MAX: variants seen among roughly 807,000 people sequenced by gnomAD.
MAX encodes protein max.
In MAX, 3 loss-of-function variants were observed where a neutral mutation model predicts 22.3. That is an observed-to-expected ratio of 0.13 (90% CI 0.06 to 0.35). MAX has a LOEUF of 0.35. MAX is among the 10% of genes least tolerant of loss of function. The pLI is 1.00. For synonymous variants in MAX, 72 were observed against 77.7 expected, an observed-to-expected ratio of 0.93 and a Z score of 0.39; for missense variants, 119 against 209.4, an observed-to-expected ratio of 0.57 and a Z score of 2.66.
chr14:65,099,199 T>C (rs2063756438), intron 2 of MAX, among the ~76,000 whole-genome samples: 1 of 152,170 alleles, frequency 6.6e-6, no homozygotes, highest in Non-Finnish European at 1.5e-5. Context: ...TTGTTTGATA[T>C]ACTATAAAAT....
intron 3 of MAX, among the ~76,000 whole-genome samples, chr14:65,086,061 A>C (rs2063328474): frequency 6.6e-6 from 1 of 152,194 alleles, no homozygotes; most frequent in Non-Finnish European, 1.5e-5. Flanking sequence ...TGATGGTTTT[A>C]AAAACAGCAG....
chr14:65,009,893 G>A lies in MAX; in HGVS notation c.172-3609C>T, dbSNP rs73268765. On this transcript the variant is annotated intron_variant, in intron 3 of 3. Transcript: ENST00000341653. The surrounding 1 kb of genome is among the most constrained non-coding windows in gnomAD (Gnocchi z 4.2). ...AGGGCTCTGCTTGTCATTTTCACAT[G>A]TGTGTCCACCTCTGGACTGTCGCTC... 0.01 allele frequency among the ~76,000 whole-genome samples: 1,592 copies of A among 152,170 alleles called. 25 individuals are homozygous for A. Among genetic ancestry groups the A allele is most frequent in the East Asian group, 0.08 (411 of 5,162 alleles).
intron 3 of MAX, among the ~76,000 whole-genome samples, chr14:65,049,786 T>A (rs893859949): frequency 1.3e-5 from 2 of 152,162 alleles, no homozygotes; most frequent in Admixed American, 6.5e-5. Context: ...TATGCTTTTT[T>A]AAATAATAGC....
chr14:65,099,031 C>T (rs766109087), intron 2 of MAX, among the ~76,000 whole-genome samples: 12 of 152,114 alleles, frequency 7.9e-5, no homozygotes, highest in Non-Finnish European at 1.8e-4. Context: ...CAGTCCACAT[C>T]TTTTTTTAAA....
chr14:65,035,534 CTCTT>C (rs754448882), intron 3 of MAX, among the ~76,000 whole-genome samples: 4 of 149,962 alleles, frequency 2.7e-5, no homozygotes, highest in Non-Finnish European at 4.4e-5. Context: ...TTTCAATTCT[CTCTT>C]TCTTTTTTTG....
At position 65,032,447 on chromosome 14, in the gene MAX, C is replaced by A; in HGVS notation, c.172-26163G>T. On this transcript the variant is annotated intron_variant, in intron 3 of 3. Transcript: ENST00000341653. This position sits in a 1 kb window ranked among gnomAD's most constrained non-coding sequence, Gnocchi z 5.0. The stretch of plus-strand genomic sequence containing the variant: ...GCAACTCTATCCAAATAGAATGTCA[C>A]ACCTCTCAGTTGGAGACCCAGGAGG... 1 of 581,420 alleles carries A rather than the reference C, an allele frequency of 1.7e-6. No homozygotes were observed. The highest frequency in any genetic ancestry group is 2.9e-6 in the Non-Finnish European group (1 of 350,622). The allele number at this position is 581,420 out of a possible 1,614,324, so 36.0% of individuals were successfully genotyped here.
chr14:65,022,942 A>G (rs1007351399), intron 3 of MAX, among the ~76,000 whole-genome samples: 1 of 151,678 alleles, frequency 6.6e-6, no homozygotes, highest in South Asian at 2.1e-4. Flanking sequence ...TACCTGTTGC[A>G]TTTGTTTTAT....
rs951843569 is a variant in MAX at position 65,031,038 on chromosome 14, C to T, written c.172-24754G>A. On this transcript the variant is annotated intron_variant, in intron 3 of 3. Transcript: ENST00000341653. This position sits in a 1 kb window ranked among gnomAD's most constrained non-coding sequence, Gnocchi z 4.6. ...GGCCAGGCTAGTCTCGAACTCCTGACCTCAAATAATCCACCTGCCTTAGCC... is the reference window on the plus strand; with the variant it reads ...GGCCAGGCTAGTCTCGAACTCCTGATCTCAAATAATCCACCTGCCTTAGCC... Among the ~76,000 whole-genome samples the T allele has an allele frequency of 3.3e-5, 5 of 151,926 alleles. No homozygotes were observed. Among genetic ancestry groups the T allele is most frequent in the Admixed American group, 1.3e-4 (2 of 15,254 alleles).
chr14:65,053,122 G>C (rs76154748), intron 3 of MAX: 19,106 of 716,886 alleles, frequency 0.027, 303 homozygotes, highest in Non-Finnish European at 0.032. Context: ...AAGAATGAAT[G>C]GAAGAGGAAG....
intron 3 of MAX, among the ~76,000 whole-genome samples, chr14:65,039,768 C>A (rs113846134): frequency 2.6e-5 from 4 of 152,262 alleles, no homozygotes; most frequent in African/African-American, 9.6e-5. Flanking sequence ...GAAGCCATCA[C>A]CACCTGGCCT....
chr14:65,039,682 A>G (rs2062299272), intron 3 of MAX, among the ~76,000 whole-genome samples: 1 of 152,216 alleles, frequency 6.6e-6, no homozygotes. Flanking sequence ...TTGTGTCAGT[A>G]TAAAGGAATA....
intron 2 of MAX, among the ~76,000 whole-genome samples, chr14:65,095,513 A>G (rs2063637866): frequency 6.6e-6 from 1 of 152,188 alleles, no homozygotes; most frequent in South Asian, 2.1e-4. Flanking sequence ...ACAGAATTGA[A>G]CCTATTTAAG....
intron 2 of MAX, among the ~76,000 whole-genome samples, chr14:65,096,546 C>T (rs1022254276): frequency 6.6e-6 from 1 of 152,120 alleles, no homozygotes; most frequent in Admixed American, 6.6e-5. Context: ...ATCCCCACCC[C>T]CATTGGAGGA....
At chr14:65,061,529 A>C (rs2062865303) in intron 3 of MAX, 2 of 698,184 alleles carry the variant, frequency 2.9e-6, no homozygotes, top group Non-Finnish European at 2.2e-6. Context: ...CAAACCAAAA[A>C]TCTATCAGCC....
rs1043827322 is a variant in MAX at position 65,070,054 on chromosome 14, A to G, written c.171+23654T>C. Among the ~76,000 whole-genome samples, 3 of 151,950 alleles carry G rather than the reference A, an allele frequency of 2.0e-5. No homozygotes were observed. The highest frequency in any genetic ancestry group is 4.8e-5 in the African/African-American group (2 of 41,434). On this transcript the variant is annotated intron_variant, in intron 3 of 3. Transcript: ENST00000341653. This position sits in a 1 kb window ranked among gnomAD's most constrained non-coding sequence, Gnocchi z 4.4. ...ACAATGAAGCTCTCAAGCACTGTGCATGGGAGCCATGGGCTGCCGGGCTGC... is the reference window on the plus strand; with the variant it reads ...ACAATGAAGCTCTCAAGCACTGTGCGTGGGAGCCATGGGCTGCCGGGCTGC...
At chr14:65,037,783 T>G (rs2139611647) in intron 3 of MAX, among the ~76,000 whole-genome samples, 1 of 146,268 alleles carries the variant, frequency 6.8e-6, no homozygotes, top group Admixed American at 6.9e-5. Context: ...TTTATTTATT[T>G]ATTTATTTAT....
chr14:65,093,246 A>G lies in MAX; in HGVS notation c.171+462T>C, dbSNP rs909226301. Among the ~76,000 whole-genome samples, 4 of 152,326 alleles carry G rather than the reference A, an allele frequency of 2.6e-5. No homozygotes were observed. The South Asian group carries it at 8.3e-4, about 32-fold the overall frequency. On this transcript the variant is annotated intron_variant, in intron 3 of 4. Transcript: ENST00000358664. The surrounding 1 kb of genome is among the most constrained non-coding windows in gnomAD (Gnocchi z 4.4). ...AACAATTATTGGGGCTGGAAAATCA[A>G]TGGTGCCCAGGTTGTTTTTCACATA... is the stretch of plus-strand genomic sequence containing the variant.
Position 65,070,037 on chromosome 14 carries a change from G to A in MAX, c.171+23671C>T, listed in dbSNP as rs2062969293. Among the ~76,000 whole-genome samples the A allele has an allele frequency of 1.3e-5, 2 of 152,200 alleles. No homozygotes were observed. Among genetic ancestry groups the A allele is most frequent in the African/African-American group, 4.8e-5 (2 of 41,446 alleles). The stretch of plus-strand genomic sequence containing the variant: ...GCACCAGCAGACAGGAAACAATGAA[G>A]CTCTCAAGCACTGTGCATGGGAGCC... On this transcript the variant is annotated intron_variant, in intron 3 of 3. Coordinates refer to the MAX transcript ENST00000341653. The surrounding 1 kb of genome is among the most constrained non-coding windows in gnomAD (Gnocchi z 4.4).
At chr14:65,019,095 CCCGGG>C (rs2061837350) in intron 3 of MAX, among the ~76,000 whole-genome samples, 8 of 152,128 alleles carry the variant, frequency 5.3e-5, no homozygotes, top group Admixed American at 4.6e-4. Context: ...CTCGCTTGAA[CCCGGG>C]AGGCGGAGGT....
Sources: gnomAD v4.1 joint callset for allele counts (sites outside exome capture counted in the v4.1 genomes callset) on GRCh38, gnomAD v4.1.1 for gene constraint, Gnocchi (gnomAD v3.1) non-coding constraint, MANE v1.5 for transcripts, NCBI Gene and HGNC (gene_info 2026-07-23, HGNC 2026-07-21) for gene names.